The following TBC1D12 variants were observed in gnomAD, a reference collection of about 807,000 sequenced individuals.
The protein encoded by TBC1D12 is TBC1 domain family member 12, also known as TBC1 domain family, member 12.
A neutral mutation model predicts 86.7 loss-of-function variants in TBC1D12; 56 were observed. The observed-to-expected ratio is 0.65, with a 90% CI of 0.52 to 0.81. TBC1D12 has a LOEUF of 0.81. Among genes scored for constraint, TBC1D12 ranks in the 30% least tolerant of loss-of-function variants. The pLI is 0.00. For missense variants in TBC1D12, 1,023 were observed against 1,038.8 expected, an observed-to-expected ratio of 0.98 and a Z score of 0.21; for synonymous variants, 421 against 411.7, an observed-to-expected ratio of 1.02 and a Z score of -0.27.
intron 2 of TBC1D12, among the ~76,000 whole-genome samples, chr10:94,449,084 A>C (rs531665676): frequency 6.6e-6 from 1 of 152,170 alleles, no homozygotes; most frequent in Non-Finnish European, 1.5e-5. Flanking sequence ...GAATAAAGAT[A>C]AGTTTTCACA....
chr10:94,519,809 A>T (rs902047236), intron 9 of TBC1D12, among the ~76,000 whole-genome samples: 5 of 152,002 alleles, frequency 3.3e-5, no homozygotes, highest in Non-Finnish European at 5.9e-5. Context: ...TTCTTCTTTC[A>T]CTTATAAGGA....
At chr10:94,419,690 A>T (rs1422709429) in intron 1 of TBC1D12, among the ~76,000 whole-genome samples, 1 of 152,194 alleles carries the variant, frequency 6.6e-6, no homozygotes, top group Non-Finnish European at 1.5e-5. Context: ...AGACAAACTT[A>T]GAAGCAGCTC....
At chr10:94,422,253 G>A (rs963077981) in intron 1 of TBC1D12, among the ~76,000 whole-genome samples, 20 of 144,572 alleles carry the variant, frequency 1.4e-4, no homozygotes, top group African/African-American at 3.9e-4. Context: ...GCAGTGTCGC[G>A]ATCTCAGCTA....
chr10:94,437,242 C>G (rs999453477), intron 1 of TBC1D12, among the ~76,000 whole-genome samples: 3 of 151,942 alleles, frequency 2.0e-5, no homozygotes, highest in African/African-American at 7.3e-5. Context: ...CAGTGTGAAC[C>G]TCCTTGAGTT....
chr10:94,403,031 T>G lies in TBC1D12; in HGVS notation c.418T>G (p.Phe140Val). The change falls in exon 1 of 13, where the codon TTT (phenylalanine) becomes GTT (valine). Residue 140 changes from phenylalanine (F) to valine (V), a missense_variant. By Grantham distance (50) the Phe-to-Val change is conservative (BLOSUM62 -1). Around this residue, in one of 2 missense-constraint regions of TBC1D12, gnomAD observed 628 missense variants for 531.1 expected, o/e 1.18. Transcript: ENST00000225235. The stretch of plus-strand genomic sequence containing the variant: ...AGGCATGACCAACGGCGACTCGGGT[T>G]TTCTGCCGGGCCGGGACTGTCGCGA... ...HEGMTNGDSGFLPGRDCRDLE... is the reference protein window; with the variant it reads ...HEGMTNGDSGVLPGRDCRDLE... The G allele has an allele frequency of 6.4e-7, 1 of 1,570,802 alleles. No individual in the cohort carries two copies. Among genetic ancestry groups the G allele is most frequent in the South Asian group, 1.2e-5 (1 of 86,466 alleles).
chr10:94,456,030 T>TTAG (rs1319660526), intron 2 of TBC1D12, among the ~76,000 whole-genome samples: 1 of 152,210 alleles, frequency 6.6e-6, no homozygotes, highest in African/African-American at 2.4e-5. Context: ...ATGTCTCTAC[T>TTAG]TTCATTTCTG....
intron 6 of TBC1D12, among the ~76,000 whole-genome samples, chr10:94,504,118 A>C (rs2056432201): frequency 6.6e-6 from 1 of 152,240 alleles, no homozygotes; most frequent in African/African-American, 2.4e-5. Context: ...ACTTTCAGTT[A>C]GATTTTCTAA....
intron 2 of TBC1D12, among the ~76,000 whole-genome samples, chr10:94,456,047 G>A (rs2055622871): frequency 6.6e-6 from 1 of 152,000 alleles, no homozygotes; most frequent in Non-Finnish European, 1.5e-5. Flanking sequence ...TCTGATATTA[G>A]TAATTTGTGT....
chr10:94,508,852 T>C (rs1236552077), intron 7 of TBC1D12: 1 of 152,116 alleles, frequency 6.6e-6, no homozygotes, highest in East Asian at 1.9e-4. Context: ...CCCTTTAAAG[T>C]GGTTGTAAGT....
chr10:94,462,286 T>A (rs980452427), intron 2 of TBC1D12, among the ~76,000 whole-genome samples: 1 of 152,208 alleles, frequency 6.6e-6, no homozygotes, highest in Admixed American at 6.5e-5. Flanking sequence ...CCTCAGCACT[T>A]TTGACATTTT....
At chr10:94,417,360 C>A (rs566405383) in intron 1 of TBC1D12, among the ~76,000 whole-genome samples, 2 of 152,196 alleles carry the variant, frequency 1.3e-5, no homozygotes, top group African/African-American at 4.8e-5. Flanking sequence ...TGAGACATAC[C>A]AGTAGCCTTT....
chr10:94,484,519 C>T (rs1474335435), intron 3 of TBC1D12, among the ~76,000 whole-genome samples: 1 of 152,070 alleles, frequency 6.6e-6, no homozygotes, highest in Admixed American at 6.6e-5. Context: ...GGATTACAGG[C>T]GTGAGCCACC....
chr10:94,489,099 G>T (rs1462885854), intron 3 of TBC1D12, among the ~76,000 whole-genome samples: 4 of 152,146 alleles, frequency 2.6e-5, no homozygotes, highest in African/African-American at 7.2e-5. Context: ...CAGTCCTTGT[G>T]TCCTAGACTG....
chr10:94,507,471 AGGCT>A, intron 7 of TBC1D12, 124 bp downstream of exon 7: 4 of 891,910 alleles, frequency 4.5e-6, no homozygotes, highest in Middle Eastern at 2.6e-4. Flanking sequence ...TCAGTAAACA[AGGCT>A]AGAAAAAAGA....
intron 9 of TBC1D12, among the ~76,000 whole-genome samples, chr10:94,515,065 G>A (rs866979532): frequency 7.3e-5 from 11 of 150,182 alleles, no homozygotes; most frequent in Admixed American, 6.6e-4. Flanking sequence ...CCGCCACTAC[G>A]CCCGGCTAAT....
chr10:94,413,219 A>G (rs1400580050), intron 1 of TBC1D12, among the ~76,000 whole-genome samples: 1 of 152,202 alleles, frequency 6.6e-6, no homozygotes, highest in Admixed American at 6.5e-5. Context: ...GTACTTTGCT[A>G]GCCTTTACTT....
chr10:94,408,543 T>C (rs931510176), intron 1 of TBC1D12, among the ~76,000 whole-genome samples: 9 of 152,122 alleles, frequency 5.9e-5, no homozygotes, highest in Admixed American at 4.6e-4. Context: ...TAAATTCCTA[T>C]AGGTATAGTT....
At chr10:94,440,978 T>A (rs7088008) in intron 1 of TBC1D12, among the ~76,000 whole-genome samples, 44,801 of 151,862 alleles carry the variant, frequency 0.3, 7,600 homozygotes, top group Admixed American at 0.44. Context: ...GCTTCCCGAG[T>A]AGCTGGAATT....
chr10:94,522,507 T>G (rs765047900), intron 11 of TBC1D12, 54 bp downstream of exon 11: 1 of 788,536 alleles, frequency 1.3e-6, no homozygotes, highest in East Asian at 3.1e-5. Context: ...AAGTATAACT[T>G]TTTGTGTGTT....
Sources: gnomAD v4.1 joint callset for allele counts (sites outside exome capture counted in the v4.1 genomes callset) on GRCh38, gnomAD v4.1.1 for gene constraint, gnomAD v4.1.1 regional missense constraint, MANE v1.5 for transcripts, NCBI Gene and HGNC (gene_info 2026-07-23, HGNC 2026-07-21) for gene names.